Variants in OBI1 observed in about 807,000 individuals in gnomAD.
The protein encoded by OBI1 is ring finger protein 219.
A neutral mutation model predicts 62.4 loss-of-function variants in OBI1; 59 were observed. The ratio of observed to expected loss-of-function variants is 0.95; its 90% CI spans 0.77 to 1.17. The LOEUF (loss-of-function observed/expected upper bound fraction) is 1.17. OBI1 is among the 50% of genes most tolerant of loss of function. The probability of loss-of-function intolerance (pLI) is 0.00; values close to 1 mark genes in which losing one functional copy is unlikely to be tolerated. For missense variants in OBI1, 875 were observed against 830.9 expected, an observed-to-expected ratio of 1.05 and a Z score of -0.65; for synonymous variants, 302 against 292.8, an observed-to-expected ratio of 1.03 and a Z score of -0.32.
At chr13:78,649,725 G>C (rs1313168978) in intron 1 of OBI1, among the ~76,000 whole-genome samples, 1 of 152,154 alleles carries the variant, frequency 6.6e-6, no homozygotes, top group Non-Finnish European at 1.5e-5. Context: ...AAGTCAAGAG[G>C]GGAAAGGGAT....
At chr13:78,655,322 A>G (rs1876668189) in intron 1 of OBI1, among the ~76,000 whole-genome samples, 1 of 136,932 alleles carries the variant, frequency 7.3e-6, no homozygotes, top group Non-Finnish European at 1.6e-5. Context: ...TTGCTGGCCC[A>G]CTAGTTTAAG....
In OBI1 at chr13:78,615,708, G is replaced by T; in HGVS notation, c.2053C>A (p.His685Asn). The change falls in exon 6 of 6, where the codon CAC becomes AAC. Residue 685 changes from histidine to asparagine, a missense_variant. By Grantham distance (68) the His-to-Asn change is moderately conservative (BLOSUM62 1). Coordinates refer to ENST00000282003, the MANE Select transcript of OBI1 (RefSeq NM_024546.4). Reference sequence around the variant, plus strand: ...GAAGTAGACCAAGGAGACTGAAGGTGGTTATGAAGACTGTGCATCTCTGAG... The same window carrying T: ...GAAGTAGACCAAGGAGACTGAAGGTTGTTATGAAGACTGTGCATCTCTGAG... ...MSSEMHSLHNHLQSPWSTSFV... is the reference protein window; with the variant it reads ...MSSEMHSLHNNLQSPWSTSFV... 1 of 1,613,992 alleles carries T rather than the reference G, an allele frequency of 6.2e-7. No homozygotes were observed. The highest frequency in any genetic ancestry group is 8.5e-7 in the Non-Finnish European group (1 of 1,179,882).
At position 78,623,379 on chromosome 13, in the gene OBI1, G is replaced by A. The variant is rs568103099; in HGVS notation, c.639-6257C>T. ...ACTGACTACTATTGACAATGATGAT[G>A]ACAAAAAGAAAAGCAGCTGCCACAA... is the stretch of plus-strand genomic sequence containing the variant. On this transcript the variant is annotated intron_variant, in intron 5 of 5. Transcript: ENST00000282003. Among the ~76,000 whole-genome samples the A allele has an allele frequency of 6.6e-5, 10 of 151,692 alleles. No individual in the cohort carries two copies. The East Asian group carries it at 1.7e-3, about 26-fold the overall frequency.
intron 5 of OBI1, among the ~76,000 whole-genome samples, chr13:78,618,981 AT>A (rs958669467): frequency 8.5e-5 from 13 of 152,338 alleles, no homozygotes; most frequent in African/African-American, 3.1e-4. Flanking sequence ...AATAACCCAC[AT>A]TTTTAAATGG....
chr13:78,616,792 G>A lies in OBI1; in HGVS notation c.969C>T (p.Thr323=). The A allele has an allele frequency of 6.2e-7, 1 of 1,614,148 alleles. No homozygotes were observed. Among genetic ancestry groups the A allele is most frequent in the South Asian group, 1.1e-5 (1 of 91,084 alleles). ...TGGTACTTTCCTGCCTTGCAGAACTGGTGTCACACAGTCTGCTGCTGGAAG... is the reference window on the plus strand; with the variant it reads ...TGGTACTTTCCTGCCTTGCAGAACTAGTGTCACACAGTCTGCTGCTGGAAG... ...AKPSSSRLCD[T]SSARQESTSK... Residue 323 remains threonine (T), a synonymous_variant, in exon 6 of 6, where the codon ACC becomes ACT. Transcript: ENST00000282003.
intron 5 of OBI1, among the ~76,000 whole-genome samples, chr13:78,633,827 G>A (rs961051257): frequency 2.0e-5 from 3 of 152,082 alleles, no homozygotes; most frequent in African/African-American, 7.2e-5. Flanking sequence ...CAGCACTTTG[G>A]GAGGCCGAGG....
Position 78,617,069 on chromosome 13 carries a change from C to G in OBI1, c.692G>C (p.Arg231Pro). The G allele has an allele frequency of 3.7e-6, 6 of 1,607,818 alleles. No homozygotes were observed. Among genetic ancestry groups the G allele is most frequent in the Non-Finnish European group, 5.1e-6 (6 of 1,177,428 alleles). The change falls in exon 6 of 6, where the codon CGT (arginine) becomes CCT (proline). Residue 231 changes from arginine to proline, a missense_variant. Transcript: ENST00000282003. The stretch of plus-strand genomic sequence containing the variant: ...GGCTTTCTTGAGGCGATTGGTTTCA[C>G]GCTCATACTGTTCTACTTTGGACTG... ...ALQSKVEQYE[R>P]ETNRLKKALE...
rs9544856 is a variant in OBI1, at chr13:78,614,505, C to T, written c.*1075G>A. 6.5e-6 allele frequency: 1 copy of T among 152,726 alleles called. No individual in the cohort carries two copies. Among genetic ancestry groups the T allele is most frequent in the African/African-American group, 2.4e-5 (1 of 41,558 alleles). 9.5% of individuals were successfully genotyped at this position (152,726 alleles called of 1,614,324 possible). On this transcript the variant is annotated 3_prime_UTR_variant, in exon 6 of 6. Coordinates refer to ENST00000282003, the MANE Select transcript of OBI1 (RefSeq NM_024546.4). ...GCTTACCTCTTACCTATCTTCACCC[C>T]CTCAACACTCTTCACAGAAAAGTTT... is the stretch of plus-strand genomic sequence containing the variant.
intron 3 of OBI1, among the ~76,000 whole-genome samples, chr13:78,641,521 T>TA (rs1683667396): frequency 3.3e-5 from 5 of 152,188 alleles, no homozygotes; most frequent in African/African-American, 1.2e-4. Flanking sequence ...CAAAAGTGTA[T>TA]GTATTCTATT....
At chr13:78,646,158 G>T (rs577746877) in intron 1 of OBI1, among the ~76,000 whole-genome samples, 3 of 152,288 alleles carry the variant, frequency 2.0e-5, no homozygotes, top group South Asian at 4.1e-4. Context: ...TCAGGAGGAA[G>T]AAAGAAAAGA....
intron 2 of OBI1, among the ~76,000 whole-genome samples, chr13:78,644,156 C>T (rs1440346838): frequency 2.0e-5 from 3 of 152,208 alleles, no homozygotes; most frequent in Non-Finnish European, 4.4e-5. Flanking sequence ...GACCTACTCA[C>T]ATCCTGTCTA....
Position 78,616,033 on chromosome 13 carries a change from A to G in OBI1, c.1728T>C (p.Phe576=). The G allele has an allele frequency of 6.2e-7, 1 of 1,614,152 alleles. No homozygotes were observed. Among genetic ancestry groups the G allele is most frequent in the South Asian group, 1.1e-5 (1 of 91,078 alleles). ...CTTCCAACTTATCAGGTTCCTCAAG[A>G]AATTCACTGCCTTGAGATGACTTTG... ...GLSKSSQGSE[F]LEEPDKLEEK... Residue 576 remains phenylalanine, a synonymous_variant, in exon 6 of 6, where the codon TTT becomes TTC. Transcript: ENST00000282003.
At chr13:78,642,250 C>G in intron 2 of OBI1, 37 bp from the exon 3 acceptor site, 2 of 1,248,806 alleles carry the variant, frequency 1.6e-6, no homozygotes, top group Non-Finnish European at 2.3e-6. Flanking sequence ...ATTTTTCATT[C>G]TGATTCGGGA....
At chr13:78,629,965 T>C (rs1035232251) in intron 5 of OBI1, among the ~76,000 whole-genome samples, 7 of 152,144 alleles carry the variant, frequency 4.6e-5, no homozygotes, top group Non-Finnish European at 8.8e-5. Context: ...GATATGTGGC[T>C]ACTACTACTG....
chr13:78,639,543 G>A (rs536978937), intron 3 of OBI1, among the ~76,000 whole-genome samples: 5,329 of 150,110 alleles, frequency 0.036, 128 homozygotes, highest in Middle Eastern at 0.092. Context: ...ACATGCACAC[G>A]TATGTTTATT....
intron 5 of OBI1, among the ~76,000 whole-genome samples, chr13:78,629,151 TCC>T (rs1486020406): frequency 3.3e-5 from 5 of 151,920 alleles, no homozygotes; most frequent in Non-Finnish European, 5.9e-5. Flanking sequence ...GCCTTTATCC[TCC>T]CCCAAAAGGA....
chr13:78,659,034 A>G lies in OBI1; in HGVS notation c.72+15T>C. 6.2e-7 allele frequency: 1 copy of G among 1,611,044 alleles called. No individual in the cohort carries two copies. Among genetic ancestry groups the G allele is most frequent in the Non-Finnish European group, 8.5e-7 (1 of 1,177,860 alleles). The stretch of plus-strand genomic sequence containing the variant: ...CCAACCCCGTTTTGTAGCTGTGCCC[A>G]CAATCACCCATTACCTTCCCCAAGC... On this transcript the variant is annotated intron_variant, in intron 1 of 5. Coordinates refer to ENST00000282003, the MANE Select transcript of OBI1 (RefSeq NM_024546.4).
intron 5 of OBI1, 39 bp from the exon 6 acceptor site, chr13:78,617,161 G>A (rs750462899): frequency 1.4e-5 from 21 of 1,478,626 alleles, no homozygotes; most frequent in Non-Finnish European, 1.7e-5. Context: ...TATAACTCAA[G>A]CTTTTTTCTT....
chr13:78,617,071 C>A lies in OBI1; in HGVS notation c.690G>T (p.Glu230Asp), dbSNP rs764608451. The A allele has an allele frequency of 1.2e-6, 2 of 1,606,596 alleles. No homozygotes were observed. The highest frequency in any genetic ancestry group is 1.7e-6 in the Non-Finnish European group (2 of 1,176,976). ...CTTTCTTGAGGCGATTGGTTTCACGCTCATACTGTTCTACTTTGGACTGAA... is the reference window on the plus strand; with the variant it reads ...CTTTCTTGAGGCGATTGGTTTCACGATCATACTGTTCTACTTTGGACTGAA... ...AALQSKVEQY[E>D]RETNRLKKAL... Residue 230 changes from glutamate to aspartate, a missense_variant, in exon 6 of 6, where the codon GAG becomes GAT. By Grantham distance (45) the Glu-to-Asp change is conservative (BLOSUM62 2). Coordinates refer to ENST00000282003, the MANE Select transcript of OBI1 (RefSeq NM_024546.4).
Sources: gnomAD v4.1 joint callset for allele counts (sites outside exome capture counted in the v4.1 genomes callset) on GRCh38, gnomAD v4.1.1 for gene constraint, MANE v1.5 for transcripts, NCBI Gene and HGNC (gene_info 2026-07-23, HGNC 2026-07-21) for gene names.